Variants in CCPG1 observed in about 807,000 individuals in gnomAD.
CCPG1 encodes cell cycle progression protein 1.
CCPG1 carries 46 observed loss-of-function variants against 81.3 expected under a neutral mutation model. The observed-to-expected ratio is 0.57, with a 90% confidence interval of 0.45 to 0.72. The LOEUF (loss-of-function observed/expected upper bound fraction) is 0.72, where lower values mean the gene tolerates loss of function less well. Ranked by LOEUF, CCPG1 falls within the 30% of genes least tolerant of loss-of-function variation. CCPG1 has a pLI of 0.00. For synonymous variants in CCPG1, 330 were observed against 305.2 expected, an observed-to-expected ratio of 1.08 and a Z score of -0.85; for missense variants, 902 against 937.6, an observed-to-expected ratio of 0.96 and a Z score of 0.50.
intron 3 of CCPG1, among the ~76,000 whole-genome samples, chr15:55,385,192 G>T (rs553717343): frequency 6.6e-6 from 1 of 152,152 alleles, no homozygotes; most frequent in African/African-American, 2.4e-5. Context: ...TTTAAATGGA[G>T]TCTCACTCTG....
chr15:55,363,799 C>CTTTTTTTTTTTTTTTTTTTTTTTTTT (rs565044184), intron 7 of CCPG1, among the ~76,000 whole-genome samples: 2 of 93,942 alleles, frequency 2.1e-5, no homozygotes, highest in African/African-American at 4.5e-5. Flanking sequence ...TTTCCTTTTC[C>CTTTTTTTTTTTTTTTTTTTTTTTTTT]TTTTTTTTTT....
intron 1 of CCPG1, among the ~76,000 whole-genome samples, chr15:55,395,730 G>GTAATTGCTT (rs1197600785): frequency 1.3e-5 from 2 of 152,104 alleles, no homozygotes; most frequent in Non-Finnish European, 2.9e-5. Flanking sequence ...ATATTGTGCT[G>GTAATTGCTT]TAATTGCTTG....
intron 3 of CCPG1, among the ~76,000 whole-genome samples, chr15:55,380,528 C>T (rs2141290101): frequency 6.6e-6 from 1 of 151,766 alleles, no homozygotes; most frequent in Middle Eastern, 3.4e-3. Flanking sequence ...ATCTCCTGAC[C>T]CCGTAAGCCG....
At chr15:55,356,451 A>G in intron 8 of CCPG1, 42 bp from the exon 9 acceptor site, 2 of 1,413,430 alleles carry the variant, frequency 1.4e-6, no homozygotes, top group South Asian at 1.4e-5. Flanking sequence ...TTAGAGTTCA[A>G]TGTATTTAAA....
chr15:55,374,324 A>G, intron 5 of CCPG1: 2 of 743,518 alleles, frequency 2.7e-6, no homozygotes, highest in Non-Finnish European at 3.9e-6. Context: ...AAAGAATTAA[A>G]AATACTTAAT....
intron 1 of CCPG1, among the ~76,000 whole-genome samples, chr15:55,395,690 T>TAGAA (rs1462338390): frequency 1.3e-5 from 2 of 152,132 alleles, no homozygotes; most frequent in Non-Finnish European, 2.9e-5. Context: ...AAGACTCTTA[T>TAGAA]TATTTTCTGC....
At chr15:55,395,656 G>T (rs2057002474) in intron 1 of CCPG1, among the ~76,000 whole-genome samples, 1 of 151,878 alleles carries the variant, frequency 6.6e-6, no homozygotes, top group East Asian at 1.9e-4. Flanking sequence ...TTTCCTTTGA[G>T]AACCATCCCT....
intron 1 of CCPG1, among the ~76,000 whole-genome samples, chr15:55,406,906 G>C (rs1266911024): frequency 6.6e-6 from 1 of 152,032 alleles, no homozygotes; most frequent in Admixed American, 6.6e-5. Flanking sequence ...TCCGCCCTCA[G>C]CGTAAAAGGT....
intron 6 of CCPG1, among the ~76,000 whole-genome samples, chr15:55,366,760 G>A (rs528091952): frequency 6.6e-5 from 10 of 152,164 alleles, no homozygotes; most frequent in South Asian, 2.1e-4. Context: ...CAACAAGAGC[G>A]AAACTCCGTC....
At chr15:55,401,717 A>G (rs1275774780) in intron 1 of CCPG1, among the ~76,000 whole-genome samples, 1 of 152,014 alleles carries the variant, frequency 6.6e-6, no homozygotes, top group Non-Finnish European at 1.5e-5. Context: ...CAAAGATGAA[A>G]GAGACTGCAG....
intron 1 of CCPG1, chr15:55,399,801 G>C (rs764686976): frequency 1.3e-5 from 2 of 151,980 alleles, no homozygotes; most frequent in Admixed American, 6.6e-5. Context: ...AGAACTCCAC[G>C]AAAAGCCACA....
intron 5 of CCPG1, among the ~76,000 whole-genome samples, chr15:55,376,198 G>A (rs142597566): frequency 3.9e-5 from 6 of 152,244 alleles, no homozygotes; most frequent in East Asian, 1.9e-4. Flanking sequence ...CATAACTCAC[G>A]CTTAGTTATA....
rs1401233992 is a variant in CCPG1 at position 55,372,047 on chromosome 15, A to T, written c.455-3T>A. The T allele has an allele frequency of 1.2e-6, 2 of 1,608,560 alleles. No homozygotes were observed. Among genetic ancestry groups the T allele is most frequent in the Non-Finnish European group, 8.5e-7 (1 of 1,177,132 alleles). ...GTCACTAGGCTGAGATGAAAATACT[A>T]TTAAGAAAAAAGTTGACATTTAGCT... is the stretch of plus-strand genomic sequence containing the variant. On this transcript the variant is annotated splice_region_variant and splice_polypyrimidine_tract_variant and intron_variant, in intron 5 of 8. Transcript: ENST00000442196.
At chr15:55,395,382 T>C (rs538291773) in intron 1 of CCPG1, among the ~76,000 whole-genome samples, 161 of 152,290 alleles carry the variant, frequency 1.1e-3, no homozygotes, top group African/African-American at 3.5e-3. Flanking sequence ...CCATTATAGC[T>C]AGAGATCTTC....
chr15:55,361,273 C>T (rs556928942), intron 7 of CCPG1, among the ~76,000 whole-genome samples: 7 of 151,652 alleles, frequency 4.6e-5, no homozygotes, highest in Non-Finnish European at 1.0e-4. Context: ...GTTCAAGCGA[C>T]TCTCCAGCCT....
At chr15:55,384,189 G>A (rs796248781) in intron 3 of CCPG1, among the ~76,000 whole-genome samples, 14 of 152,236 alleles carry the variant, frequency 9.2e-5, no homozygotes, top group African/African-American at 3.4e-4. Flanking sequence ...CAAAGGAGAG[G>A]GAGAGAGATG....
chr15:55,359,032 A>G (rs1309441320), intron 8 of CCPG1: 1 of 983,352 alleles, frequency 1.0e-6, no homozygotes, highest in African/African-American at 1.7e-5. Context: ...TACCTTTATC[A>G]AAGATAATTA....
chr15:55,378,218 T>C (rs1489054649), intron 4 of CCPG1, 82 bp downstream of exon 4: 3 of 808,462 alleles, frequency 3.7e-6, no homozygotes, highest in East Asian at 2.7e-5. Flanking sequence ...AGGAATAGAA[T>C]GCATAAATAG....
At chr15:55,397,107 C>T (rs1439504969) in intron 1 of CCPG1, among the ~76,000 whole-genome samples, 2 of 151,958 alleles carry the variant, frequency 1.3e-5, no homozygotes, top group Non-Finnish European at 2.9e-5. Context: ...CCAGCTACTT[C>T]GGACGCTGAG....
Sources: allele counts gnomAD v4.1 joint callset (sites outside exome capture counted in the v4.1 genomes callset), GRCh38; gene constraint gnomAD v4.1.1; transcripts MANE v1.5; gene names NCBI Gene and HGNC (gene_info 2026-07-23, HGNC 2026-07-21).